ATP5MF: variants seen among roughly 807,000 people sequenced by gnomAD.
ATP5MF encodes ATP synthase membrane subunit f.
A neutral mutation model predicts 13.8 loss-of-function variants in ATP5MF; 10 were observed. The ratio of observed to expected loss-of-function variants is 0.72; its 90% CI spans 0.45 to 1.23. ATP5MF has a LOEUF of 1.23. ATP5MF is among the 50% of genes most tolerant of loss of function. ATP5MF has a pLI of 0.00. For synonymous variants in ATP5MF, 40 were observed against 45.8 expected, an observed-to-expected ratio of 0.87 and a Z score of 0.51; for missense variants, 122 against 118.2, an observed-to-expected ratio of 1.03 and a Z score of -0.15.
chr7:99,466,164 T>A lies in ATP5MF; in HGVS notation c.-23A>T. The A allele has an allele frequency of 1.2e-6, 2 of 1,614,120 alleles. No individual in the cohort carries two copies. The highest frequency in any genetic ancestry group is 1.7e-6 in the Non-Finnish European group (2 of 1,180,010). On this transcript the variant is annotated 5_prime_UTR_variant, in exon 1 of 4. Coordinates refer to ENST00000292475, the MANE Select transcript of ATP5MF (RefSeq NM_004889.5). Reference sequence around the variant, plus strand: ...CATTTTGGAGTCCTGGTGTCCGCTGTGCCGGACCGCGCGAGGGCTGCTGGG... The same window carrying A: ...CATTTTGGAGTCCTGGTGTCCGCTGAGCCGGACCGCGCGAGGGCTGCTGGG...
rs139533046 is a variant in ATP5MF, at chr7:99,465,386, C to T, written c.31+725G>A. 1.3e-4 allele frequency among the ~76,000 whole-genome samples: 20 copies of T among 152,342 alleles called. No individual in the cohort carries two copies. The East Asian group carries it at 3.3e-3, about 25-fold the overall frequency. On this transcript the variant is annotated intron_variant, in intron 1 of 3. Coordinates refer to ENST00000292475, the MANE Select transcript of ATP5MF (RefSeq NM_004889.5). ...CCACATCCCGAACAGTTATTTCCCT[C>T]ATCTGTAAAATGGAATCGACTTTCC...
intron 1 of ATP5MF, among the ~76,000 whole-genome samples, chr7:99,464,234 A>T (rs1798743189): frequency 6.6e-6 from 1 of 152,264 alleles, no homozygotes; most frequent in Non-Finnish European, 1.5e-5. Context: ...CCCAGTGTTC[A>T]CTTTTCACAG....
chr7:99,463,012 G>A (rs1798687302), intron 1 of ATP5MF, among the ~76,000 whole-genome samples: 1 of 152,238 alleles, frequency 6.6e-6, no homozygotes, highest in South Asian at 2.1e-4. Flanking sequence ...CCTTGGGCAA[G>A]GTACTACTCC....
At chr7:99,459,959 T>C in intron 2 of ATP5MF, 127 bp downstream of exon 2, 1 of 1,095,710 alleles carries the variant, frequency 9.1e-7, no homozygotes, top group Admixed American at 2.5e-5. Flanking sequence ...TCCCTCCCTG[T>C]CATCCTCTAC....
At chr7:99,465,863 C>T (rs1798848882) in intron 1 of ATP5MF, among the ~76,000 whole-genome samples, 1 of 152,242 alleles carries the variant, frequency 6.6e-6, no homozygotes, top group Non-Finnish European at 1.5e-5. Context: ...CAAGGCGGCG[C>T]ATTCCCAGGC....
chr7:99,465,545 C>T (rs1182744650), intron 1 of ATP5MF, among the ~76,000 whole-genome samples: 1 of 152,212 alleles, frequency 6.6e-6, no homozygotes, highest in Non-Finnish European at 1.5e-5. Flanking sequence ...GAAAAGCCTG[C>T]TAGTCATAAG....
At chr7:99,465,815 G>A (rs1798846674) in intron 1 of ATP5MF, among the ~76,000 whole-genome samples, 1 of 152,220 alleles carries the variant, frequency 6.6e-6, no homozygotes, top group Non-Finnish European at 1.5e-5. Flanking sequence ...GCGGGAGAGG[G>A]AAGCGGCTAT....
intron 1 of ATP5MF, among the ~76,000 whole-genome samples, chr7:99,461,972 C>T (rs1798624955): frequency 6.6e-6 from 1 of 151,488 alleles, no homozygotes; most frequent in Admixed American, 6.6e-5. Context: ...AACTCACTTC[C>T]TGATCCAGTG....
chr7:99,464,979 C>A (rs1322494376), intron 1 of ATP5MF, among the ~76,000 whole-genome samples: 5 of 150,440 alleles, frequency 3.3e-5, no homozygotes, highest in Non-Finnish European at 5.9e-5. Context: ...AAAAAGAATA[C>A]AGAAACGCAG....
chr7:99,460,001 C>T, intron 2 of ATP5MF, 85 bp downstream of exon 2: 1 of 1,467,446 alleles, frequency 6.8e-7, no homozygotes, highest in Non-Finnish European at 9.2e-7. Flanking sequence ...ACAAGGCCTT[C>T]ATTGCCCAAA....
rs1341346243 is a variant in ATP5MF at position 99,458,307 on chromosome 7, G to C, written c.*20C>G. On this transcript the variant is annotated 3_prime_UTR_variant, in exon 4 of 4. Coordinates refer to ENST00000292475, the MANE Select transcript of ATP5MF (RefSeq NM_004889.5). ...CTCGGGCCAAGGTCGTGGGGTGGGG[G>C]GGTGCAGAGTGTGTCCTCTTCAGTG... 5 of 1,608,738 alleles carry C rather than the reference G, an allele frequency of 3.1e-6. No individual in the cohort carries two copies. Among genetic ancestry groups the C allele is most frequent in the Admixed American group, 1.7e-5 (1 of 59,176 alleles).
intron 1 of ATP5MF, among the ~76,000 whole-genome samples, chr7:99,463,327 C>A (rs1024981678): frequency 1.3e-5 from 2 of 152,246 alleles, no homozygotes; most frequent in Non-Finnish European, 2.9e-5. Flanking sequence ...GTCTTCATAG[C>A]ATAGTCTATT....
chr7:99,459,402 G>A, intron 2 of ATP5MF, 139 bp from the exon 3 acceptor site: 1 of 666,698 alleles, frequency 1.5e-6, no homozygotes, highest in Non-Finnish European at 2.7e-6. Flanking sequence ...TTCACTGGCT[G>A]ATAAAGATGA....
chr7:99,462,399 C>T (rs561668921), intron 1 of ATP5MF, among the ~76,000 whole-genome samples: 92 of 145,754 alleles, frequency 6.3e-4, no homozygotes, highest in African/African-American at 2.0e-3. Context: ...ACCTGGGAGG[C>T]GGAGCTTGCA....
intron 1 of ATP5MF, 126 bp downstream of exon 1, chr7:99,465,985 C>G (rs2151034950): frequency 6.5e-7 from 1 of 1,533,160 alleles, no homozygotes; most frequent in East Asian, 2.3e-5. Context: ...TGGCGCGCCT[C>G]AAGTGAGGTC....
intron 1 of ATP5MF, 100 bp from the exon 2 acceptor site, chr7:99,460,293 A>T (rs1228381952): frequency 7.6e-7 from 1 of 1,311,024 alleles, no homozygotes; most frequent in Non-Finnish European, 1.1e-6. Flanking sequence ...ATAAAGGTGC[A>T]TAATGCAATT....
Position 99,459,166 on chromosome 7 carries a change from G to A in ATP5MF, c.237C>T (p.Ser79=), listed in dbSNP as rs988830012. Residue 79 remains serine (S), a synonymous_variant, in exon 3 of 4, where the codon TCC becomes TCT. Transcript: ENST00000292475. ...VLACYVLFSY[S]FSYKHLKHER... is the part of the protein sequence containing the mutation. ...ACTCACTGAGATGCTTGTAGGAAAA[G>A]GAGTAGCTAAAGAGCACGTAGCATG... 3 of 1,613,652 alleles carry A rather than the reference G, an allele frequency of 1.9e-6. No individual in the cohort carries two copies. Among genetic ancestry groups the A allele is most frequent in the African/African-American group, 2.7e-5 (2 of 74,912 alleles).
At chr7:99,460,901 C>G (rs113929059) in intron 1 of ATP5MF, among the ~76,000 whole-genome samples, 2,896 of 152,272 alleles carry the variant, frequency 0.019, 102 homozygotes, top group African/African-American at 0.066. Flanking sequence ...GGAATTTCCA[C>G]CTCCAGCATC....
chr7:99,458,925 T>C, intron 3 of ATP5MF: 1 of 533,738 alleles, frequency 1.9e-6, no homozygotes, highest in Non-Finnish European at 3.4e-6. Context: ...CCTGGCTTCA[T>C]CTTGATTTTC....
Sources: gnomAD v4.1 joint callset for allele counts (sites outside exome capture counted in the v4.1 genomes callset) on GRCh38, gnomAD v4.1.1 for gene constraint, MANE v1.5 for transcripts, NCBI Gene and HGNC (gene_info 2026-07-23, HGNC 2026-07-21) for gene names.